SYNDIG1: variants seen among roughly 807,000 people sequenced by gnomAD.
SYNDIG1 encodes synapse differentiation inducing 1, also known as synapse differentiation-inducing gene protein 1.
SYNDIG1 carries 9 observed loss-of-function variants against 19.4 expected under a neutral mutation model. The observed-to-expected ratio is 0.46, with a 90% CI of 0.28 to 0.81. SYNDIG1 has a LOEUF of 0.81. Among genes scored for constraint, SYNDIG1 ranks in the 30% least tolerant of loss-of-function variants. SYNDIG1 has a pLI of 0.12. For missense variants in SYNDIG1, 311 were observed against 343.3 expected, an observed-to-expected ratio of 0.91 and a Z score of 0.74; for synonymous variants, 141 against 145.9, an observed-to-expected ratio of 0.97 and a Z score of 0.24.
intron 1 of SYNDIG1, among the ~76,000 whole-genome samples, chr20:24,491,171 G>T (rs1303532125): frequency 6.6e-6 from 1 of 152,234 alleles, no homozygotes; most frequent in Non-Finnish European, 1.5e-5. Flanking sequence ...TCCTTAAGAT[G>T]CTAACCAGTT....
chr20:24,516,436 G>A (rs2056866058), intron 1 of SYNDIG1, among the ~76,000 whole-genome samples: 1 of 152,158 alleles, frequency 6.6e-6, no homozygotes. Flanking sequence ...CTACTCATCT[G>A]ACAAAGGGCT....
intron 3 of SYNDIG1, among the ~76,000 whole-genome samples, chr20:24,652,228 G>A (rs1355071593): frequency 6.6e-6 from 1 of 152,194 alleles, no homozygotes; most frequent in South Asian, 2.1e-4. Context: ...CGTTGAAAGG[G>A]AAGCATTAAC....
chr20:24,617,904 G>A (rs1394411189), intron 3 of SYNDIG1, among the ~76,000 whole-genome samples: 22 of 144,290 alleles, frequency 1.5e-4, no homozygotes, highest in African/African-American at 5.4e-4. Flanking sequence ...GGGGAGCGGG[G>A]AAAGCCTGGA....
intron 3 of SYNDIG1, among the ~76,000 whole-genome samples, chr20:24,656,074 G>C (rs901465795): frequency 1.3e-5 from 2 of 152,198 alleles, no homozygotes; most frequent in Non-Finnish European, 2.9e-5. Flanking sequence ...CTGAGGATGA[G>C]GGACAGTGAG....
chr20:24,495,639 A>G (rs1353341594), intron 1 of SYNDIG1: 3 of 152,118 alleles, frequency 2.0e-5, no homozygotes, highest in Non-Finnish European at 4.4e-5. Flanking sequence ...TGCCTTGGGG[A>G]TTTATTTGGA....
intron 1 of SYNDIG1, among the ~76,000 whole-genome samples, chr20:24,474,424 C>T (rs2055557884): frequency 2.6e-5 from 4 of 152,238 alleles, no homozygotes; most frequent in Middle Eastern, 3.4e-3. Context: ...AATAACAGAA[C>T]CAGGAAACAT....
intron 1 of SYNDIG1, among the ~76,000 whole-genome samples, chr20:24,515,883 C>A (rs2056851442): frequency 6.6e-6 from 1 of 152,188 alleles, no homozygotes; most frequent in Admixed American, 6.5e-5. Flanking sequence ...ATTGCCAAGA[C>A]AATCCTAAGC....
intron 3 of SYNDIG1, among the ~76,000 whole-genome samples, chr20:24,632,771 C>T (rs2059263084): frequency 6.6e-6 from 1 of 152,178 alleles, no homozygotes; most frequent in East Asian, 1.9e-4. Flanking sequence ...GATAAAGAGA[C>T]CTGTAAATAA....
chr20:24,555,095 G>A (rs2057786387), intron 2 of SYNDIG1, among the ~76,000 whole-genome samples: 1 of 152,070 alleles, frequency 6.6e-6, no homozygotes, highest in South Asian at 2.1e-4. Flanking sequence ...TTTGTGTAGA[G>A]GTGTTTGTAG....
chr20:24,533,214 C>T (rs556842177), intron 1 of SYNDIG1, among the ~76,000 whole-genome samples: 3 of 152,100 alleles, frequency 2.0e-5, no homozygotes, highest in African/African-American at 7.2e-5. Flanking sequence ...ACTGTCCTGG[C>T]CTTTTTCTAA....
chr20:24,621,123 C>CTAGCA (rs2059031798), intron 3 of SYNDIG1, among the ~76,000 whole-genome samples: 1 of 152,164 alleles, frequency 6.6e-6, no homozygotes, highest in African/African-American at 2.4e-5. Flanking sequence ...AAAAAATAAG[C>CTAGCA]TAAGTTAGCA....
chr20:24,505,795 C>G (rs2056577484), intron 1 of SYNDIG1, among the ~76,000 whole-genome samples: 1 of 152,218 alleles, frequency 6.6e-6, no homozygotes, highest in Non-Finnish European at 1.5e-5. Flanking sequence ...GCTAGACTTT[C>G]CCCTTGCAGC....
At chr20:24,507,858 G>T (rs1283538419) in intron 1 of SYNDIG1, among the ~76,000 whole-genome samples, 1 of 152,176 alleles carries the variant, frequency 6.6e-6, no homozygotes, top group Admixed American at 6.5e-5. Flanking sequence ...CCCACTCAAG[G>T]AGCTCATCTC....
intron 3 of SYNDIG1, among the ~76,000 whole-genome samples, chr20:24,650,460 T>C (rs989372646): frequency 5.3e-5 from 8 of 152,238 alleles, no homozygotes; most frequent in African/African-American, 1.9e-4. Flanking sequence ...AGTCATCACG[T>C]ACGTAGTCAG....
At chr20:24,517,554 G>A (rs2056902553) in intron 1 of SYNDIG1, among the ~76,000 whole-genome samples, 2 of 147,622 alleles carry the variant, frequency 1.4e-5, no homozygotes, top group Admixed American at 6.8e-5. Context: ...GGGAGGCGGA[G>A]CTTGCAGTGA....
At chr20:24,603,525 C>A (rs891212420) in intron 3 of SYNDIG1, among the ~76,000 whole-genome samples, 3 of 152,130 alleles carry the variant, frequency 2.0e-5, no homozygotes, top group African/African-American at 7.2e-5. Flanking sequence ...TGGGACACTG[C>A]CTCAGGGAGG....
At chr20:24,663,621 C>G (rs1365619235) in intron 3 of SYNDIG1, among the ~76,000 whole-genome samples, 2 of 152,190 alleles carry the variant, frequency 1.3e-5, no homozygotes, top group African/African-American at 4.8e-5. Flanking sequence ...TACAAGTGAG[C>G]AGGAAGGCAA....
intron 2 of SYNDIG1, among the ~76,000 whole-genome samples, chr20:24,574,016 G>C (rs1229981422): frequency 1.3e-5 from 2 of 152,204 alleles, no homozygotes; most frequent in African/African-American, 4.8e-5. Context: ...TTATTCCAGA[G>C]AGATAACTCA....
chr20:24,527,751 T>C (rs1350577087), intron 1 of SYNDIG1, among the ~76,000 whole-genome samples: 1 of 152,130 alleles, frequency 6.6e-6, no homozygotes. Flanking sequence ...GTTCTCAGAG[T>C]GTGGTCCCTG....
Sources: allele counts gnomAD v4.1 joint callset (sites outside exome capture counted in the v4.1 genomes callset), GRCh38; gene constraint gnomAD v4.1.1; transcripts MANE v1.5; gene names NCBI Gene and HGNC (gene_info 2026-07-23, HGNC 2026-07-21).